The following ERC2 variants were observed in gnomAD, a reference collection of about 807,000 sequenced individuals.
The protein encoded by ERC2 is ELKS/RAB6-interacting/CAST family member 2, also known as ERC protein 2.
ERC2 carries 42 observed loss-of-function variants against 114.8 expected under a neutral mutation model. The observed-to-expected ratio is 0.37, with a 90% CI of 0.29 to 0.47. The LOEUF (loss-of-function observed/expected upper bound fraction) is 0.47, where lower values mean the gene tolerates loss of function less well. Ranked by LOEUF, ERC2 falls within the 20% of genes least tolerant of loss-of-function variation. ERC2 has a pLI of 0.99. For missense variants in ERC2, 939 were observed against 1,150.7 expected, an observed-to-expected ratio of 0.82 and a Z score of 2.66; for synonymous variants, 454 against 425.5, an observed-to-expected ratio of 1.07 and a Z score of -0.82.
At chr3:56,026,461 A>G (rs2149608694) in intron 7 of ERC2, among the ~76,000 whole-genome samples, 1 of 152,284 alleles carries the variant, frequency 6.6e-6, no homozygotes, top group East Asian at 1.9e-4. Context: ...AAGGCAACAT[A>G]TAGCTGTCTC....
intron 14 of ERC2, among the ~76,000 whole-genome samples, chr3:55,750,195 A>G (rs1218174442): frequency 1.3e-5 from 2 of 152,222 alleles, no homozygotes; most frequent in Non-Finnish European, 2.9e-5. Context: ...ATAATAAAAT[A>G]AAAGATAAAT....
chr3:56,008,722 A>G (rs2072691241), intron 9 of ERC2, among the ~76,000 whole-genome samples: 1 of 152,190 alleles, frequency 6.6e-6, no homozygotes, highest in Non-Finnish European at 1.5e-5. Context: ...AGTTGACTTT[A>G]AGTAAAGGAG....
intron 14 of ERC2, among the ~76,000 whole-genome samples, chr3:55,883,889 A>AAACAAC (rs57990581): frequency 0.023 from 2,984 of 131,990 alleles, 46 homozygotes; most frequent in African/African-American, 0.049. Context: ...CTCCGTCTCA[A>AAACAAC]AACAACAACA....
intron 17 of ERC2, among the ~76,000 whole-genome samples, chr3:55,597,246 C>A (rs1038407223): frequency 6.6e-6 from 1 of 151,988 alleles, no homozygotes; most frequent in Non-Finnish European, 1.5e-5. Flanking sequence ...TGGTGAAACC[C>A]CATCTCTACA....
At chr3:56,083,232 A>G (rs566242136) in intron 6 of ERC2, among the ~76,000 whole-genome samples, 5 of 152,348 alleles carry the variant, frequency 3.3e-5, no homozygotes, top group African/African-American at 1.2e-4. Flanking sequence ...AAAAGGAGTG[A>G]CCTGCAGATA....
chr3:56,008,693 A>C (rs2072688953), intron 9 of ERC2, among the ~76,000 whole-genome samples: 1 of 152,196 alleles, frequency 6.6e-6, no homozygotes, highest in Non-Finnish European at 1.5e-5. Flanking sequence ...TTTTGTAGAC[A>C]TGACTAAAAT....
chr3:55,540,954 C>T (rs1313083137), intron 17 of ERC2, among the ~76,000 whole-genome samples: 1 of 152,136 alleles, frequency 6.6e-6, no homozygotes, highest in African/African-American at 2.4e-5. Context: ...CTGGCTCCCA[C>T]TCCCTATGAA....
chr3:55,757,915 A>G (rs2067165413), intron 14 of ERC2, among the ~76,000 whole-genome samples: 2 of 152,070 alleles, frequency 1.3e-5, no homozygotes, highest in African/African-American at 4.8e-5. Flanking sequence ...AAAAAATTCT[A>G]TCAAATCAAG....
chr3:55,647,394 C>T (rs1409286443), intron 17 of ERC2, among the ~76,000 whole-genome samples: 1 of 152,090 alleles, frequency 6.6e-6, no homozygotes, highest in Non-Finnish European at 1.5e-5. Flanking sequence ...TAATGCTGTT[C>T]GTATAAATGT....
At chr3:56,413,707 A>T (rs2061032484) in intron 2 of ERC2, among the ~76,000 whole-genome samples, 1 of 152,216 alleles carries the variant, frequency 6.6e-6, no homozygotes, top group Admixed American at 6.5e-5. Context: ...TATTTTTTCA[A>T]AGAATAATGC....
intron 3 of ERC2, among the ~76,000 whole-genome samples, chr3:56,214,547 G>A (rs575735743): frequency 6.6e-6 from 1 of 152,170 alleles, no homozygotes; most frequent in South Asian, 2.1e-4. Flanking sequence ...GGGGAGAATG[G>A]AACCAAGTTG....
chr3:55,535,914 G>T (rs188699918), intron 17 of ERC2, among the ~76,000 whole-genome samples: 2 of 152,212 alleles, frequency 1.3e-5, no homozygotes, highest in Non-Finnish European at 2.9e-5. Context: ...AGGGAGAATT[G>T]CTTGAACCTG....
intron 14 of ERC2, among the ~76,000 whole-genome samples, chr3:55,797,356 C>T (rs2070600552): frequency 6.6e-6 from 1 of 152,204 alleles, no homozygotes; most frequent in Admixed American, 6.5e-5. Context: ...AACCGAGAGA[C>T]TCAGCCAGTG....
intron 10 of ERC2, among the ~76,000 whole-genome samples, chr3:55,998,406 TCAAA>T (rs2071774019): frequency 6.6e-6 from 1 of 152,152 alleles, no homozygotes; most frequent in Non-Finnish European, 1.5e-5. Context: ...CTGGATGTCC[TCAAA>T]CAAAACATGT....
chr3:56,260,532 T>C (rs73082476), intron 3 of ERC2, among the ~76,000 whole-genome samples: 2,300 of 152,290 alleles, frequency 0.015, 19 homozygotes, highest in African/African-American at 0.018. Flanking sequence ...CACCCAGAGC[T>C]GTGGGAGGTG....
chr3:55,981,238 C>T (rs751477750), intron 12 of ERC2, among the ~76,000 whole-genome samples: 1 of 152,186 alleles, frequency 6.6e-6, no homozygotes, highest in Non-Finnish European at 1.5e-5. Context: ...CAAAATCAGC[C>T]GATTTCTGGC....
intron 2 of ERC2, among the ~76,000 whole-genome samples, chr3:56,364,662 T>C (rs915859738): frequency 2.0e-5 from 3 of 152,234 alleles, no homozygotes; most frequent in Non-Finnish European, 2.9e-5. Context: ...CAAATTTTTA[T>C]TAGAACTTTG....
intron 17 of ERC2, among the ~76,000 whole-genome samples, chr3:55,625,192 C>A (rs1469986213): frequency 6.6e-6 from 1 of 151,436 alleles, no homozygotes; most frequent in Non-Finnish European, 1.5e-5. Flanking sequence ...CATGGTGAAA[C>A]CCCATCTCTA....
chr3:56,451,701 AT>A (rs1471754523), intron 1 of ERC2, among the ~76,000 whole-genome samples: 1 of 152,260 alleles, frequency 6.6e-6, no homozygotes, highest in Non-Finnish European at 1.5e-5. Context: ...CTTATCTAAC[AT>A]AAAAATAAAT....
Sources: gnomAD v4.1 joint callset for allele counts (sites outside exome capture counted in the v4.1 genomes callset) on GRCh38, gnomAD v4.1.1 for gene constraint, MANE v1.5 for transcripts, NCBI Gene and HGNC (gene_info 2026-07-23, HGNC 2026-07-21) for gene names.